Variants in MITF observed in about 807,000 individuals in gnomAD.
The protein encoded by MITF is microphthalmia-associated transcription factor.
In MITF, 17 loss-of-function variants were observed where a neutral mutation model predicts 60.5. That is an observed-to-expected ratio of 0.28 (90% CI 0.19 to 0.42). The LOEUF is 0.42. MITF is among the 10% of genes least tolerant of loss of function. MITF has a pLI of 1.00. For synonymous variants in MITF, 260 were observed against 248.5 expected, an observed-to-expected ratio of 1.05 and a Z score of -0.43; for missense variants, 622 against 683.5, an observed-to-expected ratio of 0.91 and a Z score of 1.00.
intron 1 of MITF, among the ~76,000 whole-genome samples, chr3:69,815,676 A>G (rs2063170454): frequency 6.6e-6 from 1 of 152,208 alleles, no homozygotes; most frequent in Admixed American, 6.5e-5. Flanking sequence ...GGAGAGAGTC[A>G]AAAGTTATAT....
intron 1 of MITF, among the ~76,000 whole-genome samples, chr3:69,800,160 A>G (rs1447251437): frequency 6.6e-6 from 1 of 152,136 alleles, no homozygotes; most frequent in Admixed American, 6.5e-5. Context: ...CTTTGTCTTC[A>G]TGGATTTGCC....
At chr3:69,813,783 T>C (rs2063137935) in intron 1 of MITF, among the ~76,000 whole-genome samples, 1 of 152,174 alleles carries the variant, frequency 6.6e-6, no homozygotes, top group South Asian at 2.1e-4. Context: ...TTTAAAAAAT[T>C]GGTGTTATGA....
chr3:69,825,993 A>C (rs919960862), intron 1 of MITF, among the ~76,000 whole-genome samples: 2 of 152,244 alleles, frequency 1.3e-5, no homozygotes, highest in Non-Finnish European at 2.9e-5. Context: ...CCACATTAAA[A>C]GAATAGATCA....
At chr3:69,842,670 C>G (rs1419764004) in intron 1 of MITF, among the ~76,000 whole-genome samples, 1 of 152,064 alleles carries the variant, frequency 6.6e-6, no homozygotes, top group African/African-American at 2.4e-5. Context: ...ACAAGCAAAC[C>G]AAAATTCTTG....
intron 1 of MITF, among the ~76,000 whole-genome samples, chr3:69,817,905 T>C (rs78338868): frequency 0.015 from 2,229 of 152,280 alleles, 21 homozygotes; most frequent in Admixed American, 0.028. Flanking sequence ...TATCCTGCAT[T>C]GTGTCTTACT....
chr3:69,937,625 T>G (rs952944313), intron 2 of MITF, among the ~76,000 whole-genome samples, 197 bp from the exon 3 acceptor site: 2 of 152,178 alleles, frequency 1.3e-5, no homozygotes, highest in African/African-American at 4.8e-5. Flanking sequence ...GGCAAAGTAT[T>G]ACACCAAATC....
chr3:69,888,867 A>G (rs112195441), intron 2 of MITF, among the ~76,000 whole-genome samples: 1 of 151,958 alleles, frequency 6.6e-6, no homozygotes, highest in African/African-American at 2.4e-5. Flanking sequence ...CTTGGTGAAG[A>G]GAAAAGGGGA....
intron 2 of MITF, among the ~76,000 whole-genome samples, chr3:69,912,441 G>A (rs906757966): frequency 2.6e-4 from 40 of 152,212 alleles, no homozygotes; most frequent in African/African-American, 9.4e-4. Flanking sequence ...TACTTTCAGG[G>A]AAATAAAAGT....
intron 1 of MITF, among the ~76,000 whole-genome samples, chr3:69,816,571 T>A (rs985646683): frequency 1.3e-5 from 2 of 152,236 alleles, no homozygotes; most frequent in African/African-American, 4.8e-5. Context: ...ACAATTTTTA[T>A]GTAAGACCAG....
At chr3:69,878,023 A>G (rs183917642) in intron 1 of MITF, among the ~76,000 whole-genome samples, 1 of 152,314 alleles carries the variant, frequency 6.6e-6, no homozygotes, top group African/African-American at 2.4e-5. Context: ...TTCTACCTAT[A>G]ATAATAGTGA....
chr3:69,944,278 A>T (rs544375551), intron 5 of MITF, among the ~76,000 whole-genome samples: 2 of 152,146 alleles, frequency 1.3e-5, no homozygotes, highest in Non-Finnish European at 2.9e-5. Context: ...GTGGATGCGA[A>T]GGTGACTAAG....
chr3:69,964,885 T>C lies in MITF; in HGVS notation c.1218T>C (p.Leu406=). 1 of 1,614,160 alleles carries C rather than the reference T, an allele frequency of 6.2e-7. No homozygotes were observed. The highest frequency in any genetic ancestry group is 1.7e-5 in the Admixed American group (1 of 60,020). ...EMQARAHGLS[L]IPSTGLCSPD... The stretch of plus-strand genomic sequence containing the variant: ...AGGCTCGAGCTCATGGACTTTCCCT[T>C]ATTCCATCCACGGGTCTCTGCTCTC... Residue 406 remains leucine (L), a synonymous_variant, in exon 10 of 10, where the codon CTT becomes CTC. Transcript: ENST00000352241.
chr3:69,761,593 G>A (rs2062213341), intron 1 of MITF, among the ~76,000 whole-genome samples: 1 of 152,170 alleles, frequency 6.6e-6, no homozygotes, highest in South Asian at 2.1e-4. Flanking sequence ...TTCTTATGAA[G>A]TAAAGGCAGA....
intron 1 of MITF, among the ~76,000 whole-genome samples, chr3:69,774,443 G>T (rs751122174): frequency 1.1e-4 from 17 of 152,152 alleles, no homozygotes; most frequent in Non-Finnish European, 2.5e-4. Context: ...GTAGCAGGAT[G>T]GCTAGTCAGT....
At position 69,949,247 on chromosome 3, in the gene MITF, G is replaced by C. The variant is rs576832925; in HGVS notation, c.880+79G>C. 1.9e-5 allele frequency: 20 copies of C among 1,067,536 alleles called. No homozygotes were observed. The Admixed American group carries it at 3.2e-4, about 17-fold the overall frequency. 66.1% of individuals were successfully genotyped at this position (1,067,536 alleles called of 1,614,324 possible). A position where few individuals can be genotyped will look rare whatever the true frequency, so the allele number is the denominator to read the frequency against. ...AAGACAAAGTTATTGATATAGTGAT[G>C]TGCAAACTATATCCAACTCATGGAC... On this transcript the variant is annotated intron_variant, in intron 6 of 9. Transcript: ENST00000352241.
intron 1 of MITF, among the ~76,000 whole-genome samples, chr3:69,759,897 C>G (rs1292077062): frequency 6.6e-6 from 1 of 152,182 alleles, no homozygotes; most frequent in African/African-American, 2.4e-5. Context: ...CCTGCCTCAG[C>G]CTCCCAAGTA....
chr3:69,959,268 C>T lies in MITF; in HGVS notation c.1032-5C>T, dbSNP rs749769852. The T allele has an allele frequency of 1.2e-5, 20 of 1,613,806 alleles. No homozygotes were observed. Among genetic ancestry groups the T allele is most frequent in the Middle Eastern group, 1.6e-4 (1 of 6,082 alleles). On this transcript the variant is annotated splice_region_variant and splice_polypyrimidine_tract_variant and intron_variant, in intron 8 of 9. Coordinates refer to ENST00000352241, the MANE Select transcript of MITF (RefSeq NM_001354604.2). The stretch of plus-strand genomic sequence containing the variant: ...AATATCTGTTTTCCTCCATTTTCAT[C>T]GCAGAGACATGCGCTGGAACAAGGG...
chr3:69,860,584 C>T (rs1287077234), intron 1 of MITF, among the ~76,000 whole-genome samples: 3 of 119,848 alleles, frequency 2.5e-5, no homozygotes, highest in South Asian at 2.6e-4. Flanking sequence ...GGCGACAGAA[C>T]GAGACTCCGT....
chr3:69,845,155 C>T (rs2063707543), intron 1 of MITF, among the ~76,000 whole-genome samples: 1 of 151,966 alleles, frequency 6.6e-6, no homozygotes, highest in African/African-American at 2.4e-5. Context: ...TTTTCTTCAT[C>T]CACTTATATT....
Sources: allele counts gnomAD v4.1 joint callset (sites outside exome capture counted in the v4.1 genomes callset), GRCh38; gene constraint gnomAD v4.1.1; transcripts MANE v1.5; gene names NCBI Gene and HGNC (gene_info 2026-07-23, HGNC 2026-07-21).